The following TECRL variants were observed in gnomAD, a reference collection of about 807,000 sequenced individuals.
TECRL encodes the protein trans-2,3-enoyl-CoA reductase-like.
Under a neutral mutation model 52.8 loss-of-function variants are expected in TECRL, and 63 were observed. That is an observed-to-expected ratio of 1.19 (90% CI 0.97 to 1.47). The LOEUF is 1.47. Ranked by LOEUF, TECRL falls within the 40% of genes most tolerant of loss-of-function variation. The probability of loss-of-function intolerance (pLI) is 0.00; values close to 1 mark genes in which losing one functional copy is unlikely to be tolerated. For missense variants in TECRL, 482 were observed against 429.6 expected (o/e 1.12, Z -1.08); for synonymous variants, 164 against 141.9 (o/e 1.16, Z -1.10).
At chr4:64,329,300 C>T (rs981620108) in intron 2 of TECRL, among the ~76,000 whole-genome samples, 6 of 151,708 alleles carry the variant, frequency 4.0e-5, no homozygotes, top group African/African-American at 7.3e-5. Context: ...ATTTACCACA[C>T]GTATAATAAA....
At chr4:64,323,434 G>C (rs766151568) in intron 3 of TECRL, among the ~76,000 whole-genome samples, 1 of 151,992 alleles carries the variant, frequency 6.6e-6, no homozygotes, top group Non-Finnish European at 1.5e-5. Context: ...GTGTAATTTT[G>C]AGTGTTAGTA....
At chr4:64,407,567 G>T (rs1724814414) in intron 1 of TECRL, among the ~76,000 whole-genome samples, 1 of 151,504 alleles carries the variant, frequency 6.6e-6, no homozygotes, top group Non-Finnish European at 1.5e-5. Context: ...AAGGTGGATT[G>T]CCTGTCAGGG....
At chr4:64,299,642 TTGTC>T (rs1011692651) in intron 8 of TECRL, among the ~76,000 whole-genome samples, 22 of 151,046 alleles carry the variant, frequency 1.5e-4, no homozygotes, top group African/African-American at 4.8e-4. Context: ...TTTGGGGTGT[TTGTC>T]TGTAAGATTT....
intron 1 of TECRL, among the ~76,000 whole-genome samples, chr4:64,400,689 G>C (rs1443993622): frequency 6.6e-6 from 1 of 151,998 alleles, no homozygotes; most frequent in Non-Finnish European, 1.5e-5. Context: ...GTTCTTGCAG[G>C]ATCTGATTGT....
chr4:64,349,337 A>T (rs10434234), intron 2 of TECRL, among the ~76,000 whole-genome samples: 102,012 of 151,706 alleles, frequency 0.67, 35,427 homozygotes, highest in Non-Finnish European at 0.76. Context: ...TTCTCCATGT[A>T]GGCCAGGCTG....
At chr4:64,404,341 C>A (rs1047348071) in intron 1 of TECRL, among the ~76,000 whole-genome samples, 1 of 151,834 alleles carries the variant, frequency 6.6e-6, no homozygotes, top group African/African-American at 2.4e-5. Context: ...AACTCAGGCT[C>A]TTAGAGTTCT....
intron 2 of TECRL, among the ~76,000 whole-genome samples, chr4:64,366,983 T>C (rs1721642523): frequency 6.6e-6 from 1 of 152,112 alleles, no homozygotes. Flanking sequence ...GAAATCAACC[T>C]AGAAGCTCAT....
At chr4:64,398,568 G>A (rs910293550) in intron 1 of TECRL, among the ~76,000 whole-genome samples, 1 of 152,066 alleles carries the variant, frequency 6.6e-6, no homozygotes, top group Non-Finnish European at 1.5e-5. Context: ...CTCCCCATAA[G>A]CAGGTGCCAT....
chr4:64,391,656 A>C (rs990504648), intron 1 of TECRL, among the ~76,000 whole-genome samples: 1 of 151,898 alleles, frequency 6.6e-6, no homozygotes, highest in Non-Finnish European at 1.5e-5. Flanking sequence ...TATTGACTAG[A>C]GATCCTAGTA....
At chr4:64,405,718 G>T (rs1724672350) in intron 1 of TECRL, among the ~76,000 whole-genome samples, 1 of 152,060 alleles carries the variant, frequency 6.6e-6, no homozygotes, top group African/African-American at 2.4e-5. Flanking sequence ...TGTAGAGGAG[G>T]AGAAGTTGTG....
intron 2 of TECRL, among the ~76,000 whole-genome samples, chr4:64,362,122 C>G (rs1721241493): frequency 6.6e-6 from 1 of 152,058 alleles, no homozygotes; most frequent in African/African-American, 2.4e-5. Flanking sequence ...GAAGACTGCT[C>G]ATTTAAATCA....
rs1468480881 is a variant in TECRL at position 64,380,107 on chromosome 4, A to G, written c.235-4884T>C. Among the ~76,000 whole-genome samples, 14 of 152,146 alleles carry G rather than the reference A, an allele frequency of 9.2e-5. No homozygotes were observed. In the East Asian group the frequency reaches 2.7e-3, roughly 29 times the overall value. Reference sequence around the variant, plus strand: ...ATAGCCATTCATACCAGGGTAAGTTAATATCTAATTGTAGCTTTGATTTGT... The same window carrying G: ...ATAGCCATTCATACCAGGGTAAGTTGATATCTAATTGTAGCTTTGATTTGT... On this transcript the variant is annotated intron_variant, in intron 1 of 11. Transcript: ENST00000381210.
At chr4:64,356,371 T>C (rs1412878063) in intron 2 of TECRL, among the ~76,000 whole-genome samples, 1 of 152,012 alleles carries the variant, frequency 6.6e-6, no homozygotes, top group African/African-American at 2.4e-5. Flanking sequence ...CCACTGTCTC[T>C]TGCCTGCCCC....
At chr4:64,377,433 T>C (rs1365076819) in intron 1 of TECRL, among the ~76,000 whole-genome samples, 1 of 152,054 alleles carries the variant, frequency 6.6e-6, no homozygotes, top group Admixed American at 6.6e-5. Flanking sequence ...AGTTTAGTTA[T>C]CATAACTTCC....
intron 4 of TECRL, among the ~76,000 whole-genome samples, chr4:64,317,141 G>T (rs1354599644): frequency 6.6e-6 from 1 of 152,206 alleles, no homozygotes; most frequent in Admixed American, 6.5e-5. Context: ...AGCCGGGCGT[G>T]GTGGCAGGTG....
At chr4:64,344,610 CAA>C (rs1198387688) in intron 2 of TECRL, among the ~76,000 whole-genome samples, 2 of 152,056 alleles carry the variant, frequency 1.3e-5, no homozygotes, top group Non-Finnish European at 2.9e-5. Flanking sequence ...AAATTTAAAA[CAA>C]AGTGTAATTT....
chr4:64,286,209 A>G (rs981677366), intron 9 of TECRL, among the ~76,000 whole-genome samples: 2 of 152,040 alleles, frequency 1.3e-5, no homozygotes, highest in Non-Finnish European at 2.9e-5. Flanking sequence ...AAGAAATCCC[A>G]AAACTGAAAA....
At chr4:64,394,334 G>T (rs1250928774) in intron 1 of TECRL, among the ~76,000 whole-genome samples, 1 of 151,824 alleles carries the variant, frequency 6.6e-6, no homozygotes, top group Non-Finnish European at 1.5e-5. Context: ...TTTCCTCATT[G>T]TTGTGTAGCT....
At chr4:64,383,886 C>A (rs79721830) in intron 1 of TECRL, among the ~76,000 whole-genome samples, 42 of 151,480 alleles carry the variant, frequency 2.8e-4, no homozygotes, top group African/African-American at 9.4e-4. Context: ...GCTTTCATGG[C>A]AAAAATTTTT....
Sources: allele counts gnomAD v4.1 joint callset (sites outside exome capture counted in the v4.1 genomes callset), GRCh38; gene constraint gnomAD v4.1.1; transcripts MANE v1.5; gene names NCBI Gene and HGNC (gene_info 2026-07-23, HGNC 2026-07-21).